The following DNAH10 variants were observed in gnomAD, a reference collection of about 807,000 sequenced individuals.
DNAH10 encodes dynein axonemal heavy chain 10, also known as axonemal beta dynein heavy chain 10.
DNAH10 carries 348 observed loss-of-function variants against 506.6 expected under a neutral mutation model. The ratio of observed to expected loss-of-function variants is 0.69; its 90% CI spans 0.63 to 0.75. DNAH10 has a LOEUF of 0.75. Ranked by LOEUF, DNAH10 falls within the 30% of genes least tolerant of loss-of-function variation. The pLI is 0.00. For synonymous variants in DNAH10, 2,059 were observed against 2,198.6 expected (o/e 0.94, Z 1.78); for missense variants, 5,179 against 5,787.1 (o/e 0.89, Z 3.41).
chr12:123,876,490 G>A (rs1421700965), intron 47 of DNAH10, among the ~76,000 whole-genome samples: 3 of 151,988 alleles, frequency 2.0e-5, no homozygotes, highest in Non-Finnish European at 4.4e-5. Flanking sequence ...AAAATTAGCC[G>A]GGTGTGGTGG....
Position 123,913,793 on chromosome 12 carries a change from A to G in DNAH10, c.10352+478A>G, listed in dbSNP as rs943066613. On this transcript the variant is annotated intron_variant, in intron 60 of 78. Coordinates refer to ENST00000673944, the MANE Select transcript of DNAH10 (RefSeq NM_001372106.1). The surrounding 1 kb of genome is among the most constrained non-coding windows in gnomAD (Gnocchi z 5.1). The stretch of plus-strand genomic sequence containing the variant: ...CCGCTTGGCCACAGCTTATTCACCA[A>G]ATAGGGCAACAATTTTGAATCTAGC... 2.8e-4 allele frequency among the ~76,000 whole-genome samples: 43 copies of G among 152,222 alleles called. No homozygotes were observed. Among genetic ancestry groups the G allele is most frequent in the African/African-American group, 9.9e-4 (41 of 41,456 alleles).
At chr12:123,788,025 CGGAATTTGCCCCGAAGAAGGCAGTT>C (rs1565903740) in intron 10 of DNAH10, 23 bp downstream of exon 10, 1 of 1,552,714 alleles carries the variant, frequency 6.4e-7, no homozygotes, top group Admixed American at 2.0e-5. Flanking sequence ...CGAAGGCCGG[CGGAATTTGCCCCGAAGAAGGCAGTT>C]GGCTTTTGAC....
rs1305581840 is a variant in DNAH10, at chr12:123,835,533, G to C, written c.4902+5G>C. The stretch of plus-strand genomic sequence containing the variant: ...ATCGATAAAGTATTTAAAAGGGCAA[G>C]TGACTCGCTTCTATTTTAGTAATGA... On this transcript the variant is annotated splice_donor_5th_base_variant and intron_variant, in intron 28 of 78. Coordinates refer to ENST00000673944, the MANE Select transcript of DNAH10 (RefSeq NM_001372106.1). 4 of 1,605,462 alleles carry C rather than the reference G, an allele frequency of 2.5e-6. No homozygotes were observed. The highest frequency in any genetic ancestry group is 3.4e-6 in the Non-Finnish European group (4 of 1,175,902).
chr12:123,762,399 C>A lies in DNAH10; in HGVS notation c.63C>A (p.Asp21Glu). 7.1e-7 allele frequency: 1 copy of A among 1,398,686 alleles called. No homozygotes were observed. Among genetic ancestry groups the A allele is most frequent in the Non-Finnish European group, 9.3e-7 (1 of 1,072,772 alleles). The allele number at this position is 1,398,686 out of a possible 1,614,324, so 86.6% of individuals were successfully genotyped here. Residue 21 changes from aspartate (D) to glutamate (E), a missense_variant, in exon 1 of 79, where the codon GAC becomes GAA. Transcript: ENST00000673944. The surrounding 1 kb of genome is among the most constrained non-coding windows in gnomAD (Gnocchi z 5.0). ...DRVYAAFGIT[D>E]PQLFEDLLNR... is the part of the protein sequence containing the mutation. ...TGTATGCGGCTTTCGGCATCACCGA[C>A]CCCCAGCTTTTCGAGGACCTGCTCA...
intron 36 of DNAH10, among the ~76,000 whole-genome samples, chr12:123,854,874 C>T (rs1013197772): frequency 5.3e-5 from 8 of 152,182 alleles, no homozygotes; most frequent in East Asian, 1.9e-4. Context: ...TTCTCAGCTG[C>T]GCTTATCATG....
In DNAH10 at chr12:123,857,194, G is replaced by T. The variant is rs749753047; in HGVS notation, c.6577G>T (p.Asp2193Tyr). 6.2e-7 allele frequency: 1 copy of T among 1,609,204 alleles called. No homozygotes were observed. The highest frequency in any genetic ancestry group is 8.5e-7 in the Non-Finnish European group (1 of 1,177,750). ...CPRVRYPDFNDAVEQVLEENG... is the reference protein window; with the variant it reads ...CPRVRYPDFNYAVEQVLEENG... ...TCGCGTCCGCTACCCTGACTTCAAC[G>T]ATGCGGTAGAGCAGGTCCTGGAGGA... The change falls in exon 37 of 79, where the codon GAT becomes TAT. Residue 2193 changes from aspartate (D) to tyrosine (Y), a missense_variant. Physicochemically the swap from Asp to Tyr is radical, Grantham distance 160 (BLOSUM62 -3). This residue lies in a region of DNAH10 where 4,844 missense variants were observed against 5,430.5 expected (regional missense o/e 0.89). Coordinates refer to ENST00000673944, the MANE Select transcript of DNAH10 (RefSeq NM_001372106.1).
At chr12:123,835,825 A>G (rs1426860531) in intron 28 of DNAH10, among the ~76,000 whole-genome samples, 1 of 152,138 alleles carries the variant, frequency 6.6e-6, no homozygotes, top group African/African-American at 2.4e-5. Flanking sequence ...GGATCTTGCT[A>G]TGTTGTCCAG....
At position 123,847,954 on chromosome 12, in the gene DNAH10, A is replaced by C; in HGVS notation, c.5815-7A>C. ...AAAACATATGTTTTGCATTTGGCTT[A>C]TAACAGGCGCTGTCCATGTATCTAG... On this transcript the variant is annotated splice_region_variant and splice_polypyrimidine_tract_variant and intron_variant, in intron 32 of 78. Transcript: ENST00000673944. 1 of 1,600,624 alleles carries C rather than the reference A, an allele frequency of 6.2e-7. No homozygotes were observed. Among genetic ancestry groups the C allele is most frequent in the South Asian group, 1.1e-5 (1 of 89,806 alleles).
Position 123,777,160 on chromosome 12 carries a change from G to A in DNAH10, c.621+2896G>A, listed in dbSNP as rs114400753. Among the ~76,000 whole-genome samples, 585 of 152,252 alleles carry A rather than the reference G, an allele frequency of 3.8e-3. 3 individuals are homozygous for A. The highest frequency in any genetic ancestry group is 0.013 in the African/African-American group (537 of 41,558). On this transcript the variant is annotated intron_variant, in intron 5 of 78. Transcript: ENST00000673944. Reference sequence around the variant, plus strand: ...CTCAGTTTCTGTTCTTACCCTCTACGCTGCCTTCTCCACATGCCAACCAGA... The same window carrying A: ...CTCAGTTTCTGTTCTTACCCTCTACACTGCCTTCTCCACATGCCAACCAGA...
chr12:123,827,604 G>T (rs1960124570), intron 25 of DNAH10, among the ~76,000 whole-genome samples: 1 of 152,162 alleles, frequency 6.6e-6, no homozygotes, highest in Non-Finnish European at 1.5e-5. Flanking sequence ...TGTGAGTTAT[G>T]CTTCTGCTCG....
At chr12:123,836,816 C>T (rs959551793) in intron 28 of DNAH10, among the ~76,000 whole-genome samples, 3 of 151,738 alleles carry the variant, frequency 2.0e-5, no homozygotes, top group South Asian at 2.1e-4. Context: ...GTCAGGATTT[C>T]GAGACCAGCC....
chr12:123,822,264 A>G (rs553311956), intron 24 of DNAH10, among the ~76,000 whole-genome samples: 1 of 152,300 alleles, frequency 6.6e-6, no homozygotes, highest in East Asian at 1.9e-4. Flanking sequence ...TCTCATTGGT[A>G]TGTTTCCCAT....
At chr12:123,797,713 G>A (rs1244019503) in intron 13 of DNAH10, among the ~76,000 whole-genome samples, 1 of 152,136 alleles carries the variant, frequency 6.6e-6, no homozygotes, top group Admixed American at 6.5e-5. Flanking sequence ...CTTTCTCTTT[G>A]GCATCTTAAT....
chr12:123,926,846 C>CTCT lies in DNAH10; in HGVS notation c.12105+27_12105+29dup, dbSNP rs1433178030. 1 of 1,611,446 alleles carries CTCT rather than the reference C, an allele frequency of 6.2e-7. No homozygotes were observed. Among genetic ancestry groups the CTCT allele is most frequent in the South Asian group, 1.1e-5 (1 of 90,820 alleles). On this transcript the variant is annotated intron_variant, in intron 69 of 78. Transcript: ENST00000673944. This position sits in a 1 kb window ranked among gnomAD's most constrained non-coding sequence, Gnocchi z 4.1. ...GTAATTTGTGGCTGAAAGGAACAAG[C>CTCT]TCTACGTTTAGGGGAGGTCCCTGGT... is the stretch of plus-strand genomic sequence containing the variant.
At chr12:123,886,912 A>C (rs866870961) in intron 51 of DNAH10, among the ~76,000 whole-genome samples, 6 of 152,126 alleles carry the variant, frequency 3.9e-5, no homozygotes, top group African/African-American at 1.2e-4. Context: ...GCTGGCGTTC[A>C]CCTTGGGGTA....
intron 69 of DNAH10, chr12:123,927,876 G>GT (rs1955015989): frequency 6.3e-6 from 1 of 157,518 alleles, no homozygotes; most frequent in South Asian, 2.0e-4. Flanking sequence ...ATAAGCTATT[G>GT]TAACGCCAGC....
intron 5 of DNAH10, among the ~76,000 whole-genome samples, 177 bp from the exon 6 acceptor site, chr12:123,780,903 C>G (rs905764866): frequency 1.7e-4 from 22 of 129,354 alleles, no homozygotes; most frequent in African/African-American, 6.5e-4. Flanking sequence ...GAGCCAAGTG[C>G]ACAGCACTCC....
intron 58 of DNAH10, among the ~76,000 whole-genome samples, chr12:123,910,110 G>T (rs1316918661): frequency 6.6e-6 from 1 of 152,212 alleles, no homozygotes. Context: ...CAACACAAAT[G>T]ACCCCAACCA....
Position 123,813,192 on chromosome 12 carries a change from G to T in DNAH10, c.3173G>T (p.Cys1058Phe), listed in dbSNP as rs778320166. The T allele has an allele frequency of 1.2e-6, 2 of 1,610,298 alleles. No individual in the cohort carries two copies. Among genetic ancestry groups the T allele is most frequent in the Non-Finnish European group, 1.7e-6 (2 of 1,177,832 alleles). The change falls in exon 20 of 79, where the codon TGC becomes TTC. Residue 1058 changes from cysteine to phenylalanine, a missense_variant. This residue lies in a region of DNAH10 where 4,844 missense variants were observed against 5,430.5 expected (regional missense o/e 0.89). Coordinates refer to ENST00000673944, the MANE Select transcript of DNAH10 (RefSeq NM_001372106.1). ...TTTGTTCGTTGGATGAATGGCAGCT[G>T]CATAGAATGCCCACCTCAGAAGGGG... is the stretch of plus-strand genomic sequence containing the variant. Reference protein sequence around the residue: ...KHFVRWMNGSCIECPPQKGEE... With the variant: ...KHFVRWMNGSFIECPPQKGEE...
Sources: allele counts gnomAD v4.1 joint callset (sites outside exome capture counted in the v4.1 genomes callset), GRCh38; gene constraint gnomAD v4.1.1; regional missense constraint gnomAD v4.1.1; non-coding constraint Gnocchi (gnomAD v3.1); transcripts MANE v1.5; gene names NCBI Gene and HGNC (gene_info 2026-07-23, HGNC 2026-07-21).